RANBP2: variants seen among roughly 807,000 people sequenced by gnomAD.
The protein encoded by RANBP2 is E3 SUMO-protein ligase RanBP2.
A neutral mutation model predicts 303.6 loss-of-function variants in RANBP2; 57 were observed. The ratio of observed to expected loss-of-function variants is 0.19; its 90% CI spans 0.15 to 0.23. RANBP2 has a LOEUF of 0.23. Among genes scored for constraint, RANBP2 ranks in the 10% least tolerant of loss-of-function variants. RANBP2 has a pLI of 1.00. For missense variants in RANBP2, 3,138 were observed against 3,780.8 expected, an observed-to-expected ratio of 0.83 and a Z score of 4.46; for synonymous variants, 1,167 against 1,301.5, an observed-to-expected ratio of 0.90 and a Z score of 2.23.
At chr2:109,336,478 G>A in the RANBP2 span, among the ~76,000 whole-genome samples, 2 of 152,050 alleles carry the variant, frequency 1.3e-5, no homozygotes, top group Admixed American at 6.5e-5. Flanking sequence ...GTCCTGGTGT[G>A]CCCACGGCTA....
At chr2:109,642,475 A>C in the RANBP2 span, among the ~76,000 whole-genome samples, 1 of 151,970 alleles carries the variant, frequency 6.6e-6, no homozygotes, top group Non-Finnish European at 1.5e-5. Context: ...CAAGGCCGGG[A>C]GCGGTGGCTC....
At chr2:109,640,926 G>C in the RANBP2 span, among the ~76,000 whole-genome samples, 116 of 152,248 alleles carry the variant, frequency 7.6e-4, no homozygotes, top group African/African-American at 2.8e-3. Context: ...ACACTTGGAG[G>C]CTATGGCTTT....
chr2:109,630,551 C>T, the RANBP2 span, among the ~76,000 whole-genome samples: 6 of 152,346 alleles, frequency 3.9e-5, no homozygotes, highest in South Asian at 2.1e-4. Context: ...CTGTCTTCCA[C>T]CTCCTGGCCA....
the RANBP2 span, among the ~76,000 whole-genome samples, chr2:108,867,524 G>T: frequency 1.3e-5 from 2 of 152,132 alleles, no homozygotes; most frequent in East Asian, 3.9e-4. Context: ...CCTTGGACTA[G>T]CACTCCCCTC....
the RANBP2 span, among the ~76,000 whole-genome samples, chr2:109,581,133 T>C: frequency 2.0e-5 from 3 of 152,218 alleles, no homozygotes; most frequent in African/African-American, 4.8e-5. Context: ...TCATTTTGAA[T>C]GTACACTTAA....
the RANBP2 span, among the ~76,000 whole-genome samples, chr2:109,264,661 TAAC>T: frequency 6.6e-6 from 1 of 152,228 alleles, no homozygotes; most frequent in East Asian, 1.9e-4. Flanking sequence ...ACAGAGATGA[TAAC>T]AGCCCCTCCC....
the RANBP2 span, among the ~76,000 whole-genome samples, chr2:109,462,826 C>T: frequency 6.6e-6 from 1 of 152,164 alleles, no homozygotes; most frequent in East Asian, 1.9e-4. Flanking sequence ...AGATAAAACT[C>T]CACTGATCAC....
chr2:109,020,131 A>G, the RANBP2 span, among the ~76,000 whole-genome samples: 1 of 152,172 alleles, frequency 6.6e-6, no homozygotes, highest in African/African-American at 2.4e-5. Flanking sequence ...TTAATACTGG[A>G]ATGAGTGTTC....
chr2:108,763,226 C>T lies in RANBP2; in HGVS notation c.2698-11C>T, dbSNP rs1454439395. 7.4e-6 allele frequency: 12 copies of T among 1,612,914 alleles called. No homozygotes were observed. The highest frequency in any genetic ancestry group is 1.7e-5 in the Admixed American group (1 of 59,942). ...ACAATCTACAAAATGTTTTAACTTTCTGTCTTTTAGGGCCCAGTCTATGGC... is the reference window on the plus strand; with the variant it reads ...ACAATCTACAAAATGTTTTAACTTTTTGTCTTTTAGGGCCCAGTCTATGGC... On this transcript the variant is annotated splice_polypyrimidine_tract_variant and intron_variant, in intron 19 of 28. Transcript: ENST00000283195.
chr2:109,562,085 T>C, the RANBP2 span, among the ~76,000 whole-genome samples: 3 of 152,006 alleles, frequency 2.0e-5, no homozygotes, highest in African/African-American at 4.8e-5. Context: ...TGGTGGTGCA[T>C]GCCTATAGTC....
chr2:108,905,571 GC>G, the RANBP2 span, among the ~76,000 whole-genome samples: 1 of 152,138 alleles, frequency 6.6e-6, no homozygotes, highest in Admixed American at 6.5e-5. Context: ...TTGGTGAGCT[GC>G]CCAGCATGCA....
At chr2:109,597,666 C>T in the RANBP2 span, among the ~76,000 whole-genome samples, 1 of 152,362 alleles carries the variant, frequency 6.6e-6, no homozygotes, top group Non-Finnish European at 1.5e-5. Context: ...TACACACCTA[C>T]TTTCCAAAAG....
At chr2:108,789,051 C>G, downstream of RANBP2, 1 of 1,466,342 alleles carries the variant, frequency 6.8e-7, no homozygotes, top group Non-Finnish European at 9.4e-7. Context: ...TATATTTTTG[C>G]TCTTTCCTGA....
At chr2:109,103,156 C>T in the RANBP2 span, among the ~76,000 whole-genome samples, 1 of 152,180 alleles carries the variant, frequency 6.6e-6, no homozygotes, top group African/African-American at 2.4e-5. Context: ...GAAAAAACAT[C>T]AAAGTGGAAG....
chr2:109,639,903 G>A, the RANBP2 span, among the ~76,000 whole-genome samples: 2 of 151,362 alleles, frequency 1.3e-5, no homozygotes, highest in Admixed American at 6.6e-5. Context: ...TAGAGATAGG[G>A]TTTCACCATA....
At chr2:109,317,987 G>A in the RANBP2 span, among the ~76,000 whole-genome samples, 1 of 151,964 alleles carries the variant, frequency 6.6e-6, no homozygotes, top group South Asian at 2.1e-4. Context: ...GGCCAAGGAT[G>A]GCCTGCATCT....
the RANBP2 span, among the ~76,000 whole-genome samples, chr2:109,347,140 A>G: frequency 6.6e-6 from 1 of 152,296 alleles, no homozygotes; most frequent in South Asian, 2.1e-4. Context: ...TATTCAGTAG[A>G]TGAAGTAAAG....
chr2:109,363,885 T>A, the RANBP2 span, among the ~76,000 whole-genome samples: 4 of 152,208 alleles, frequency 2.6e-5, no homozygotes, highest in Non-Finnish European at 5.9e-5. Flanking sequence ...TCTTTCAGGA[T>A]TTTTTCTTTA....
At chr2:109,427,446 A>C in the RANBP2 span, among the ~76,000 whole-genome samples, 1 of 152,310 alleles carries the variant, frequency 6.6e-6, no homozygotes, top group East Asian at 1.9e-4. Context: ...CAAACCCACG[A>C]GTATCCCACA....
Sources: allele counts gnomAD v4.1 joint callset (sites outside exome capture counted in the v4.1 genomes callset), GRCh38; gene constraint gnomAD v4.1.1; transcripts MANE v1.5; gene names NCBI Gene and HGNC (gene_info 2026-07-23, HGNC 2026-07-21).